The following HCN1 variants were observed in gnomAD, a reference collection of about 807,000 sequenced individuals.
HCN1 encodes potassium/sodium hyperpolarization-activated cyclic nucleotide-gated channel 1.
A neutral mutation model predicts 78.9 loss-of-function variants in HCN1; 13 were observed. The observed-to-expected ratio is 0.16, with a 90% CI of 0.11 to 0.26. The LOEUF (loss-of-function observed/expected upper bound fraction) is 0.26, where lower values mean the gene tolerates loss of function less well. Among genes scored for constraint, HCN1 ranks in the 10% least tolerant of loss-of-function variants. HCN1 has a pLI of 1.00. For missense variants in HCN1, 810 were observed against 1,154.3 expected (o/e 0.70, Z 4.32); for synonymous variants, 552 against 455.5 (o/e 1.21, Z -2.70).
At chr5:45,582,873 C>G (rs769070214) in intron 2 of HCN1, among the ~76,000 whole-genome samples, 1 of 152,124 alleles carries the variant, frequency 6.6e-6, no homozygotes, top group Non-Finnish European at 1.5e-5. Context: ...ATGAAGCCCA[C>G]TTGATTATGG....
At chr5:45,689,213 T>A (rs1277560410) in intron 1 of HCN1, among the ~76,000 whole-genome samples, 1 of 152,088 alleles carries the variant, frequency 6.6e-6, no homozygotes, top group African/African-American at 2.4e-5. Flanking sequence ...TGGGATGATC[T>A]GTGCAGCAAA....
rs537823384 is a variant in HCN1 at position 45,501,611 on chromosome 5, T to A, written c.850-39604A>T. Among the ~76,000 whole-genome samples, 3 of 152,184 alleles carry A rather than the reference T, an allele frequency of 2.0e-5. No homozygotes were observed. In the East Asian group the frequency reaches 5.8e-4, roughly 29 times the overall value. ...ACCCGCCACCACGCCCGGTTAATTT[T>A]TGTACTTTTAGTAGAGACAGCGTTT... is the stretch of plus-strand genomic sequence containing the variant. On this transcript the variant is annotated intron_variant, in intron 2 of 7. Coordinates refer to ENST00000303230, the MANE Select transcript of HCN1 (RefSeq NM_021072.4).
At chr5:45,414,495 T>C (rs879656537) in intron 3 of HCN1, among the ~76,000 whole-genome samples, 3 of 152,054 alleles carry the variant, frequency 2.0e-5, no homozygotes, top group Non-Finnish European at 4.4e-5. Flanking sequence ...AGTATGCTGC[T>C]GATAAAACAT....
intron 4 of HCN1, among the ~76,000 whole-genome samples, chr5:45,366,232 T>C (rs1231628308): frequency 6.6e-6 from 1 of 151,372 alleles, no homozygotes; most frequent in Admixed American, 6.6e-5. Context: ...TGTGTGTGTG[T>C]GGTAATTCTT....
At chr5:45,576,236 T>C (rs994779278) in intron 2 of HCN1, 3 of 152,166 alleles carry the variant, frequency 2.0e-5, no homozygotes, top group Admixed American at 6.6e-5. Context: ...AAGTTGCTTA[T>C]AGATAAGTGA....
At chr5:45,541,647 C>T (rs1321509421) in intron 2 of HCN1, among the ~76,000 whole-genome samples, 1 of 152,144 alleles carries the variant, frequency 6.6e-6, no homozygotes, top group African/African-American at 2.4e-5. Flanking sequence ...ATCTGTAACA[C>T]ATAATGTGCA....
intron 2 of HCN1, among the ~76,000 whole-genome samples, chr5:45,468,532 AT>A (rs1741326683): frequency 2.6e-5 from 4 of 152,040 alleles, no homozygotes; most frequent in Non-Finnish European, 5.9e-5. Flanking sequence ...GAATTTCTAT[AT>A]ATGTTTCATT....
At chr5:45,408,093 C>T (rs949360403) in intron 3 of HCN1, among the ~76,000 whole-genome samples, 3 of 151,590 alleles carry the variant, frequency 2.0e-5, no homozygotes, top group African/African-American at 7.3e-5. Flanking sequence ...CTAAGTGTTA[C>T]TACAAAAAAA....
chr5:45,396,400 T>G (rs536473976), intron 4 of HCN1, 92 bp downstream of exon 4: 1 of 916,104 alleles, frequency 1.1e-6, no homozygotes, highest in Non-Finnish European at 1.7e-6. Context: ...TTTTTTTTTA[T>G]AGAGGAGATG....
intron 5 of HCN1, among the ~76,000 whole-genome samples, chr5:45,343,922 G>C (rs1413550739): frequency 6.6e-6 from 1 of 151,986 alleles, no homozygotes; most frequent in African/African-American, 2.4e-5. Context: ...AGCATAAAAA[G>C]TGGTCCCAGC....
intron 2 of HCN1, among the ~76,000 whole-genome samples, chr5:45,572,146 T>G (rs985166313): frequency 1.3e-5 from 2 of 152,168 alleles, no homozygotes; most frequent in Non-Finnish European, 2.9e-5. Context: ...GCCTCCACTG[T>G]GGAAATTGCT....
rs150622783 is a variant in HCN1 at position 45,430,746 on chromosome 5, T to C, written c.1011+31100A>G. Reference sequence around the variant, plus strand: ...CTGAGGCAGGAGAATGGCGTGAACATGGGAGGTGGAGCTTGCAGTGAGCTG... The same window carrying C: ...CTGAGGCAGGAGAATGGCGTGAACACGGGAGGTGGAGCTTGCAGTGAGCTG... On this transcript the variant is annotated intron_variant, in intron 3 of 7. Transcript: ENST00000303230. Among the ~76,000 whole-genome samples, 1,223 of 152,028 alleles carry C rather than the reference T, an allele frequency of 8.0e-3. 22 individuals are homozygous for C. The highest frequency in any genetic ancestry group is 0.028 in the African/African-American group (1,176 of 41,492).
chr5:45,371,783 A>T lies in HCN1; in HGVS notation c.1231-18537T>A, dbSNP rs961597179. On this transcript the variant is annotated intron_variant, in intron 4 of 7. Coordinates refer to ENST00000303230, the MANE Select transcript of HCN1 (RefSeq NM_021072.4). ...AAAAAAAAAATATATATATATATGT[A>T]CACACACACATACACACACAAGGTG... Among the ~76,000 whole-genome samples the T allele has an allele frequency of 2.1e-5, 3 of 141,568 alleles. No homozygotes were observed. The Admixed American group carries it at 2.3e-4, about 11-fold the overall frequency. 92.9% of individuals were successfully genotyped at this position (141,568 alleles called of 152,430 possible).
chr5:45,638,278 A>C (rs1431727908), intron 2 of HCN1, among the ~76,000 whole-genome samples: 2 of 152,198 alleles, frequency 1.3e-5, no homozygotes, highest in African/African-American at 4.8e-5. Context: ...GTGGACATTG[A>C]GGCAACTGGG....
intron 3 of HCN1, among the ~76,000 whole-genome samples, chr5:45,402,596 A>G (rs527373282): frequency 1.2e-4 from 19 of 152,170 alleles, no homozygotes; most frequent in Non-Finnish European, 2.2e-4. Flanking sequence ...AAATGTTATT[A>G]CAAGTTTATG....
chr5:45,302,892 C>G (rs1190546677), intron 6 of HCN1, among the ~76,000 whole-genome samples: 1 of 151,954 alleles, frequency 6.6e-6, no homozygotes, highest in African/African-American at 2.4e-5. Flanking sequence ...TAAGAAGTAC[C>G]TTTTGCCTTC....
At chr5:45,529,714 G>A (rs1742801699) in intron 2 of HCN1, among the ~76,000 whole-genome samples, 1 of 151,848 alleles carries the variant, frequency 6.6e-6, no homozygotes, top group South Asian at 2.1e-4. Context: ...AAAAGTTAAG[G>A]TCTTAAGGAA....
rs141892616 is a variant in HCN1, at chr5:45,617,835, C to T, written c.849+27350G>A. On this transcript the variant is annotated intron_variant, in intron 2 of 7. Transcript: ENST00000303230. ...TCCTAGCAGCAAGCATTACCAATTT[C>T]TAGGAATATAAATTAATTTAAAAAA... Among the ~76,000 whole-genome samples the T allele has an allele frequency of 4.8e-3, 737 of 152,020 alleles. 6 individuals carry two copies. Among genetic ancestry groups the T allele is most frequent in the Admixed American group, 0.01 (158 of 15,236 alleles).
At chr5:45,425,710 A>G (rs927138197) in intron 3 of HCN1, among the ~76,000 whole-genome samples, 1 of 152,190 alleles carries the variant, frequency 6.6e-6, no homozygotes, top group African/African-American at 2.4e-5. Context: ...AATGAATTAG[A>G]GATTTAGAAA....
Sources: gnomAD v4.1 joint callset for allele counts (sites outside exome capture counted in the v4.1 genomes callset) on GRCh38, gnomAD v4.1.1 for gene constraint, MANE v1.5 for transcripts, NCBI Gene and HGNC (gene_info 2026-07-23, HGNC 2026-07-21) for gene names.